REV3L: variants seen among roughly 807,000 people sequenced by gnomAD.
REV3L encodes REV3 like, DNA directed polymerase zeta catalytic subunit, also known as DNA polymerase zeta catalytic subunit.
A neutral mutation model predicts 299.4 loss-of-function variants in REV3L; 69 were observed. That is an observed-to-expected ratio of 0.23 (90% CI 0.19 to 0.28). The LOEUF is 0.28. Ranked by LOEUF, REV3L falls within the 10% of genes least tolerant of loss-of-function variation. The pLI, the probability that REV3L is intolerant of heterozygous loss-of-function variation, is 1.00. For synonymous variants in REV3L, 1,238 were observed against 1,271.4 expected, an observed-to-expected ratio of 0.97 and a Z score of 0.56; for missense variants, 3,128 against 3,693.8, an observed-to-expected ratio of 0.85 and a Z score of 3.97.
rs1384994657 is a variant in REV3L at position 111,368,048 on chromosome 6, A to G, written c.5760-20T>C. 2.6e-6 allele frequency: 4 copies of G among 1,549,082 alleles called. No homozygotes were observed. Among genetic ancestry groups the G allele is most frequent in the Non-Finnish European group, 3.5e-6 (4 of 1,151,756 alleles). On this transcript the variant is annotated intron_variant, in intron 13 of 31. Coordinates refer to ENST00000368802, the MANE Select transcript of REV3L (RefSeq NM_001372078.1). Reference sequence around the variant, plus strand: ...ATCTCCCTATAATAACATATTTTAGAACAACTGTTTTGTTTCAAAGAGCAA... The same window carrying G: ...ATCTCCCTATAATAACATATTTTAGGACAACTGTTTTGTTTCAAAGAGCAA...
At chr6:111,447,665 C>T (rs750790457) in intron 1 of REV3L, among the ~76,000 whole-genome samples, 10 of 152,072 alleles carry the variant, frequency 6.6e-5, no homozygotes, top group Non-Finnish European at 1.3e-4. Flanking sequence ...TGACAACAGC[C>T]ATTATAAGTA....
intron 6 of REV3L, among the ~76,000 whole-genome samples, chr6:111,389,879 G>GGC (rs1781732280): frequency 6.6e-6 from 1 of 151,746 alleles, no homozygotes; most frequent in African/African-American, 2.4e-5. Context: ...TGGGACTACA[G>GGC]ACGTGTGCCA....
intron 25 of REV3L, among the ~76,000 whole-genome samples, chr6:111,328,908 G>A (rs966444313): frequency 3.3e-5 from 5 of 152,058 alleles, no homozygotes; most frequent in African/African-American, 1.2e-4. Flanking sequence ...TGGGACCACA[G>A]GCACATAACA....
At chr6:111,301,580 A>G (rs201736377) in intron 31 of REV3L, among the ~76,000 whole-genome samples, 1 of 152,218 alleles carries the variant, frequency 6.6e-6, no homozygotes, top group Non-Finnish European at 1.5e-5. Flanking sequence ...CTGGCTAACA[A>G]TGAGCTTAAA....
At chr6:111,459,960 A>G (rs1412551760) in intron 1 of REV3L, among the ~76,000 whole-genome samples, 1 of 152,170 alleles carries the variant, frequency 6.6e-6, no homozygotes, top group African/African-American at 2.4e-5. Flanking sequence ...AAAAAGACAC[A>G]TGCACCCATG....
chr6:111,346,850 T>G (rs1388162336), intron 20 of REV3L, among the ~76,000 whole-genome samples: 2 of 152,234 alleles, frequency 1.3e-5, no homozygotes, highest in East Asian at 3.8e-4. Context: ...TACTAGTTAA[T>G]TTGCTACTGT....
At chr6:111,382,360 G>A (rs994711328) in intron 9 of REV3L, among the ~76,000 whole-genome samples, 2 of 152,186 alleles carry the variant, frequency 1.3e-5, no homozygotes, top group Middle Eastern at 3.2e-3. Context: ...CCATCTCTCA[G>A]GCAGTGGTCT....
At chr6:111,395,645 A>G (rs948562999) in intron 4 of REV3L, among the ~76,000 whole-genome samples, 2 of 152,128 alleles carry the variant, frequency 1.3e-5, no homozygotes, top group Non-Finnish European at 2.9e-5. Context: ...TCACCTGTGA[A>G]AAAGGGACAA....
chr6:111,335,513 G>T lies in REV3L; in HGVS notation c.7636C>A (p.Leu2546Ile). The change falls in exon 22 of 32, where the codon CTT becomes ATT. Residue 2546 changes from leucine (L) to isoleucine (I), a missense_variant. By Grantham distance (5) the Leu-to-Ile change is conservative (BLOSUM62 2). Coordinates refer to ENST00000368802, the MANE Select transcript of REV3L (RefSeq NM_001372078.1). ...LIGKTSEMARLFGIQFLHVLT... is the reference protein window; with the variant it reads ...LIGKTSEMARIFGIQFLHVLT... ...ACATGTAAAAACTGAATGCCAAAAA[G>T]TCTAGCCATCTCACTGGTTTTCCCA... 1 of 1,613,490 alleles carries T rather than the reference G, an allele frequency of 6.2e-7. No individual in the cohort carries two copies. The highest frequency in any genetic ancestry group is 8.5e-7 in the Non-Finnish European group (1 of 1,179,662).
rs1785528903 is a variant in REV3L at position 111,422,595 on chromosome 6, C to CACATATATATATATAT, written c.140-6139_140-6124dup. 1.5e-3 allele frequency among the ~76,000 whole-genome samples: 27 copies of CACATATATATATATAT among 18,578 alleles called. 7 individuals are homozygous for CACATATATATATATAT. Among genetic ancestry groups the CACATATATATATATAT allele is most frequent in the South Asian group, 5.9e-3 (4 of 674 alleles). The allele number at this position is 18,578 out of a possible 152,430, so 12.2% of individuals were successfully genotyped here. On this transcript the variant is annotated intron_variant, in intron 1 of 31. Transcript: ENST00000368802. ...ATATATACACATATATATATATATA[C>CACATATATATATATAT]ACATATATATATATATACACATATA... is the stretch of plus-strand genomic sequence containing the variant.
chr6:111,459,114 C>G (rs1790473632), intron 1 of REV3L, among the ~76,000 whole-genome samples: 1 of 151,816 alleles, frequency 6.6e-6, no homozygotes, highest in Non-Finnish European at 1.5e-5. Flanking sequence ...AATAGACAAC[C>G]CAGAAATAAA....
At chr6:111,402,528 C>G (rs749322696) in intron 4 of REV3L, among the ~76,000 whole-genome samples, 1 of 152,158 alleles carries the variant, frequency 6.6e-6, no homozygotes, top group Non-Finnish European at 1.5e-5. Flanking sequence ...TGTTCATAAA[C>G]TCTTCAATGT....
chr6:111,329,285 C>T (rs866542148), intron 25 of REV3L, among the ~76,000 whole-genome samples: 17 of 151,784 alleles, frequency 1.1e-4, no homozygotes, highest in African/African-American at 3.9e-4. Context: ...TCATGTGATC[C>T]GCCTGCCTTG....
chr6:111,367,056 A>G, intron 14 of REV3L, 59 bp downstream of exon 14: 1 of 1,340,926 alleles, frequency 7.5e-7, no homozygotes. Context: ...GTCTAATGTT[A>G]TCTTCATTTC....
rs768290948 is a variant in REV3L at position 111,367,461 on chromosome 6, ATCATCT to A, written c.6321_6326del (p.Glu2107_Asp2108del). ...TATAACTAATGTAATAGTTATCATC[ATCATCT>A]TCATCTTTTTCGGGATCACTTGCAG... is the stretch of plus-strand genomic sequence containing the variant. On this transcript the variant is annotated inframe_deletion, in exon 14 of 32. Coordinates refer to ENST00000368802, the MANE Select transcript of REV3L (RefSeq NM_001372078.1). 1.9e-5 allele frequency: 31 copies of A among 1,608,884 alleles called. No individual in the cohort carries two copies. Among genetic ancestry groups the A allele is most frequent in the African/African-American group, 1.1e-4 (8 of 74,792 alleles).
chr6:111,404,401 C>T (rs940604195), intron 4 of REV3L, among the ~76,000 whole-genome samples: 6 of 152,306 alleles, frequency 3.9e-5, no homozygotes, highest in South Asian at 2.1e-4. Flanking sequence ...ATGTACAAGA[C>T]GACTAATGTT....
At chr6:111,420,271 T>C (rs1203977398) in intron 1 of REV3L, among the ~76,000 whole-genome samples, 1 of 152,218 alleles carries the variant, frequency 6.6e-6, no homozygotes, top group East Asian at 1.9e-4. Context: ...TGTACATATA[T>C]ATGGTATACA....
At chr6:111,389,289 T>A in intron 6 of REV3L, 79 bp from the exon 7 acceptor site, 1 of 1,023,128 alleles carries the variant, frequency 9.8e-7, no homozygotes, top group Non-Finnish European at 1.5e-6. Context: ...CTTTAACAAA[T>A]ACTGCCTTTA....
rs923132072 is a variant in REV3L, at chr6:111,474,810, C to G, written c.139+7940G>C. 1.3e-5 allele frequency among the ~76,000 whole-genome samples: 2 copies of G among 152,004 alleles called. 1 individual carries two copies. The highest frequency in any genetic ancestry group is 1.3e-4 in the Admixed American group (2 of 15,254). On this transcript the variant is annotated intron_variant, in intron 1 of 31. Coordinates refer to ENST00000368802, the MANE Select transcript of REV3L (RefSeq NM_001372078.1). The stretch of plus-strand genomic sequence containing the variant: ...GCAAAACATAACTTAAAAATATTAA[C>G]TTTGAATAGTATTACATGCACATGA...
Sources: gnomAD v4.1 joint callset for allele counts (sites outside exome capture counted in the v4.1 genomes callset) on GRCh38, gnomAD v4.1.1 for gene constraint, MANE v1.5 for transcripts, NCBI Gene and HGNC (gene_info 2026-07-23, HGNC 2026-07-21) for gene names.